The following ZBTB44 variants were observed in gnomAD, a reference collection of about 807,000 sequenced individuals.
ZBTB44 encodes zinc finger and BTB domain-containing protein 44.
Under a neutral mutation model 54.0 loss-of-function variants are expected in ZBTB44, and 15 were observed. The ratio of observed to expected loss-of-function variants is 0.28; its 90% CI spans 0.19 to 0.43. ZBTB44 has a LOEUF of 0.43. Ranked by LOEUF, ZBTB44 falls within the 20% of genes least tolerant of loss-of-function variation. The pLI is 1.00. For synonymous variants in ZBTB44, 230 were observed against 250.1 expected, an observed-to-expected ratio of 0.92 and a Z score of 0.76; for missense variants, 487 against 707.1, an observed-to-expected ratio of 0.69 and a Z score of 3.53.
At chr11:130,297,634 G>A (rs775626709) in intron 1 of ZBTB44, among the ~76,000 whole-genome samples, 2 of 152,194 alleles carry the variant, frequency 1.3e-5, no homozygotes, top group African/African-American at 4.8e-5. Context: ...TGCACATAGG[G>A]AGGATGCCCC....
chr11:130,313,304 A>T (rs1942734088), intron 1 of ZBTB44, among the ~76,000 whole-genome samples: 1 of 152,224 alleles, frequency 6.6e-6, no homozygotes. Context: ...AATAATTACA[A>T]ATGCAAAAAT....
At chr11:130,259,235 T>A (rs951136545) in intron 2 of ZBTB44, among the ~76,000 whole-genome samples, 10 of 152,156 alleles carry the variant, frequency 6.6e-5, no homozygotes, top group Admixed American at 3.9e-4. Flanking sequence ...TTAAATTTCA[T>A]ATGGAAATTT....
At chr11:130,255,572 G>C (rs1938363344) in intron 2 of ZBTB44, among the ~76,000 whole-genome samples, 1 of 152,056 alleles carries the variant, frequency 6.6e-6, no homozygotes, top group African/African-American at 2.4e-5. Flanking sequence ...AACCGAAAGA[G>C]ACACACGAAA....
intron 2 of ZBTB44, among the ~76,000 whole-genome samples, chr11:130,245,906 C>A (rs1040403061): frequency 4.6e-5 from 7 of 152,222 alleles, no homozygotes; most frequent in Non-Finnish European, 1.0e-4. Flanking sequence ...GTACAAGATA[C>A]ATCTAGCAGA....
chr11:130,307,424 CA>C (rs35105255), intron 1 of ZBTB44, among the ~76,000 whole-genome samples: 100,856 of 137,558 alleles, frequency 0.73, 37,340 homozygotes, highest in Non-Finnish European at 0.81. Flanking sequence ...GACTCTGTCT[CA>C]AAAAAAAAAA....
At chr11:130,302,009 A>C (rs1942013923) in intron 1 of ZBTB44, among the ~76,000 whole-genome samples, 1 of 150,604 alleles carries the variant, frequency 6.6e-6, no homozygotes, top group Non-Finnish European at 1.5e-5. Context: ...CCACGATCAC[A>C]CCACTGCACT....
chr11:130,275,075 CAT>C (rs1939959233), intron 1 of ZBTB44, among the ~76,000 whole-genome samples: 1 of 152,164 alleles, frequency 6.6e-6, no homozygotes. Context: ...TGACATTTGA[CAT>C]ATGACAATTA....
intron 5 of ZBTB44, among the ~76,000 whole-genome samples, chr11:130,234,845 T>C (rs759202714): frequency 7.2e-5 from 11 of 152,214 alleles, no homozygotes; most frequent in Admixed American, 5.2e-4. Context: ...TGGAAATGAA[T>C]GCCTTGAGAT....
chr11:130,226,954 A>G lies in ZBTB44; in HGVS notation c.*4810T>C, dbSNP rs1038032925. Reference sequence around the variant, plus strand: ...TCAAACAAGCTAATTTCAGTACAATATAACTATACAGAATATATACAATAC... The same window carrying G: ...TCAAACAAGCTAATTTCAGTACAATGTAACTATACAGAATATATACAATAC... On this transcript the variant is annotated 3_prime_UTR_variant, in exon 8 of 8. Transcript: ENST00000357899. The G allele has an allele frequency of 5.3e-5, 8 of 152,244 alleles. No individual in the cohort carries two copies. Among genetic ancestry groups the G allele is most frequent in the African/African-American group, 1.7e-4 (7 of 41,466 alleles). The allele number at this position is 152,244 out of a possible 1,614,324, so 9.4% of individuals were successfully genotyped here.
At chr11:130,255,271 A>G (rs1161654056) in intron 2 of ZBTB44, among the ~76,000 whole-genome samples, 1 of 152,188 alleles carries the variant, frequency 6.6e-6, no homozygotes, top group Non-Finnish European at 1.5e-5. Flanking sequence ...CTGCACAACT[A>G]CATGGAAACT....
intron 1 of ZBTB44, among the ~76,000 whole-genome samples, chr11:130,304,989 C>T (rs961290364): frequency 1.1e-4 from 16 of 152,054 alleles, no homozygotes; most frequent in African/African-American, 2.2e-4. Context: ...AAATCAAGAA[C>T]GCAATCCCTT....
chr11:130,261,640 T>G lies in ZBTB44; in HGVS notation c.234A>C (p.Thr78=), dbSNP rs1267580638. 1.2e-6 allele frequency: 2 copies of G among 1,614,064 alleles called. No individual in the cohort carries two copies. Among genetic ancestry groups the G allele is most frequent in the Non-Finnish European group, 1.7e-6 (2 of 1,179,908 alleles). The change falls in exon 2 of 8, where the codon ACA becomes ACC. Residue 78 remains threonine, a synonymous_variant. Coordinates refer to ENST00000357899, the MANE Select transcript of ZBTB44 (RefSeq NM_001301098.2). The surrounding 1 kb of genome is among the most constrained non-coding windows in gnomAD (Gnocchi z 4.8). ...CTAAAAGAGGTATAAAGCCAGTCAC[T>G]GTAACATGATGCAGATCCAACACAT... ...NKNVLDLHHV[T]VTGFIPLLEY... is the part of the protein sequence containing the mutation.
intron 1 of ZBTB44, among the ~76,000 whole-genome samples, chr11:130,265,445 G>A (rs780376192): frequency 1.3e-5 from 2 of 152,022 alleles, no homozygotes; most frequent in East Asian, 3.9e-4. Context: ...GCCTGGTCTC[G>A]AACTCCTGAC....
intron 1 of ZBTB44, among the ~76,000 whole-genome samples, chr11:130,291,426 C>T (rs1055050251): frequency 6.6e-5 from 10 of 152,122 alleles, no homozygotes; most frequent in African/African-American, 1.7e-4. Flanking sequence ...TGTGAGCCAC[C>T]GCGCCCGGCC....
At chr11:130,233,109 T>C (rs1358813867) in intron 7 of ZBTB44, 199 bp downstream of exon 7, 5 of 530,430 alleles carry the variant, frequency 9.4e-6, no homozygotes, top group African/African-American at 5.9e-5. Flanking sequence ...AACCTATATA[T>C]AAAATATAGA....
intron 1 of ZBTB44, among the ~76,000 whole-genome samples, chr11:130,295,148 C>T (rs997912345): frequency 5.9e-5 from 9 of 152,038 alleles, no homozygotes; most frequent in Non-Finnish European, 1.3e-4. Flanking sequence ...GGCACCAGAA[C>T]CTAAAGTTGC....
chr11:130,277,813 T>C (rs1360504518), intron 1 of ZBTB44, among the ~76,000 whole-genome samples: 2 of 152,146 alleles, frequency 1.3e-5, no homozygotes, highest in Non-Finnish European at 2.9e-5. Context: ...GCAACAAATT[T>C]TCGTTTTTAT....
At chr11:130,269,717 T>C (rs1035711670) in intron 1 of ZBTB44, among the ~76,000 whole-genome samples, 1 of 152,196 alleles carries the variant, frequency 6.6e-6, no homozygotes, top group African/African-American at 2.4e-5. Context: ...AGGTTTTAAA[T>C]TTTCACTTCC....
intron 2 of ZBTB44, among the ~76,000 whole-genome samples, chr11:130,241,064 T>C (rs1264966158): frequency 6.6e-6 from 1 of 152,268 alleles, no homozygotes; most frequent in African/African-American, 2.4e-5. Context: ...TTTTTACGTG[T>C]AACCAAAGTT....
Sources: gnomAD v4.1 joint callset for allele counts (sites outside exome capture counted in the v4.1 genomes callset) on GRCh38, gnomAD v4.1.1 for gene constraint, Gnocchi (gnomAD v3.1) non-coding constraint, MANE v1.5 for transcripts, NCBI Gene and HGNC (gene_info 2026-07-23, HGNC 2026-07-21) for gene names.